The following TYW1B variants were observed in gnomAD, a reference collection of about 807,000 sequenced individuals.
TYW1B encodes the protein S-adenosyl-L-methionine-dependent tRNA 4-demethylwyosine synthase TYW1B.
A neutral mutation model predicts 86.9 loss-of-function variants in TYW1B; 73 were observed. The ratio of observed to expected loss-of-function variants is 0.84; its 90% CI spans 0.70 to 1.02. The LOEUF (loss-of-function observed/expected upper bound fraction) is 1.02. TYW1B is among the 50% of genes least tolerant of loss of function. The pLI is 0.00. For missense variants in TYW1B, 637 were observed against 827.4 expected, an observed-to-expected ratio of 0.77 and a Z score of 2.82; for synonymous variants, 248 against 292.8, an observed-to-expected ratio of 0.85 and a Z score of 1.56.
chr7:72,653,938 C>T (rs1490107372), intron 11 of TYW1B, among the ~76,000 whole-genome samples: 3 of 151,654 alleles, frequency 2.0e-5, no homozygotes, highest in Non-Finnish European at 4.4e-5. Context: ...AAATTAGCCA[C>T]ATGTGGTGGC....
In TYW1B at chr7:72,616,858, C is replaced by G. The variant is rs1554437036; in HGVS notation, c.1618-19G>C. 1 of 1,613,540 alleles carries G rather than the reference C, an allele frequency of 6.2e-7. No homozygotes were observed. The highest frequency in any genetic ancestry group is 2.2e-5 in the East Asian group (1 of 44,864). Reference sequence around the variant, plus strand: ...TAACGCCCTGTGGAAACAGTATAACCATCAGAGATGACTACAGACCTACCT... The same window carrying G: ...TAACGCCCTGTGGAAACAGTATAACGATCAGAGATGACTACAGACCTACCT... On this transcript the variant is annotated intron_variant, in intron 12 of 13. Coordinates refer to ENST00000620995, the MANE Select transcript of TYW1B (RefSeq NM_001145440.3).
intron 11 of TYW1B, among the ~76,000 whole-genome samples, chr7:72,672,288 G>C (rs1485110803): frequency 6.6e-6 from 1 of 151,752 alleles, no homozygotes; most frequent in African/African-American, 2.4e-5. Context: ...GCTCAGTCTC[G>C]GGTGTGTCTT....
intron 7 of TYW1B, among the ~76,000 whole-genome samples, chr7:72,763,304 T>C (rs1554467568): frequency 6.9e-6 from 1 of 143,938 alleles, no homozygotes; most frequent in Admixed American, 7.0e-5. Flanking sequence ...TTTTTTGAGA[T>C]GGAGTCTTGC....
intron 7 of TYW1B, among the ~76,000 whole-genome samples, chr7:72,750,666 T>C (rs1273855187): frequency 6.6e-6 from 1 of 152,174 alleles, no homozygotes; most frequent in Non-Finnish European, 1.5e-5. Context: ...GCACCACTCA[T>C]GAAATTTCAC....
intron 13 of TYW1B, among the ~76,000 whole-genome samples, chr7:72,591,369 A>G (rs1358661163): frequency 6.6e-5 from 10 of 152,280 alleles, no homozygotes; most frequent in African/African-American, 2.4e-4. Context: ...TAATGAACTA[A>G]AAAAGACACA....
At chr7:72,637,622 CT>C (rs1812701928) in intron 11 of TYW1B, among the ~76,000 whole-genome samples, 1 of 149,162 alleles carries the variant, frequency 6.7e-6, no homozygotes, top group African/African-American at 2.5e-5. Flanking sequence ...TTTTTATTTC[CT>C]TAATTTCTGC....
At chr7:72,728,969 T>C (rs782501783) in intron 8 of TYW1B, 38 bp from the exon 9 acceptor site, 12 of 1,578,306 alleles carry the variant, frequency 7.6e-6, no homozygotes, top group Middle Eastern at 3.3e-4. Context: ...GACCCTTCTG[T>C]AATAAGATCT....
At chr7:72,751,915 G>C (rs1042415369) in intron 7 of TYW1B, among the ~76,000 whole-genome samples, 1 of 152,240 alleles carries the variant, frequency 6.6e-6, no homozygotes, top group Non-Finnish European at 1.5e-5. Context: ...ATCTGAGGGG[G>C]AGGGAGGGGC....
In TYW1B at chr7:72,692,041, A is replaced by C. The variant is rs1361393879; in HGVS notation, c.1506+2646T>G. Among the ~76,000 whole-genome samples, 2 of 151,660 alleles carry C rather than the reference A, an allele frequency of 1.3e-5. 1 individual carries two copies. The highest frequency in any genetic ancestry group is 2.9e-5 in the Non-Finnish European group (2 of 67,954). On this transcript the variant is annotated intron_variant, in intron 11 of 13. Coordinates refer to ENST00000620995, the MANE Select transcript of TYW1B (RefSeq NM_001145440.3). ...GCCAACATGGTGAAACCCCATCTCT[A>C]CTAAAAATACAAAAACTAGCCGGGC...
rs192316175 is a variant in TYW1B, at chr7:72,599,303, T to C, written c.1785+17369A>G. ...AAAAAAAATCACATGATCTTATCAATAGTTGAAGAAAATCAATTTGACAAA... is the reference window on the plus strand; with the variant it reads ...AAAAAAAATCACATGATCTTATCAACAGTTGAAGAAAATCAATTTGACAAA... On this transcript the variant is annotated intron_variant, in intron 13 of 13. Coordinates refer to ENST00000620995, the MANE Select transcript of TYW1B (RefSeq NM_001145440.3). Among the ~76,000 whole-genome samples the C allele has an allele frequency of 4.2e-3, 641 of 152,322 alleles. 3 individuals carry two copies. The highest frequency in any genetic ancestry group is 0.015 in the African/African-American group (609 of 41,574).
intron 6 of TYW1B, among the ~76,000 whole-genome samples, chr7:72,786,269 T>C (rs1554472441): frequency 6.6e-6 from 1 of 152,136 alleles, no homozygotes; most frequent in South Asian, 2.1e-4. Flanking sequence ...AAACGAAAAC[T>C]GGTAGCTTAT....
intron 12 of TYW1B, 98 bp downstream of exon 12, chr7:72,628,789 C>T (rs1270406692): frequency 3.7e-6 from 3 of 819,288 alleles, no homozygotes; most frequent in Non-Finnish European, 5.8e-6. Flanking sequence ...ATTCCTGGGA[C>T]CTCTAGAGTT....
chr7:72,682,699 A>C (rs1167268511), intron 11 of TYW1B, among the ~76,000 whole-genome samples: 9 of 152,216 alleles, frequency 5.9e-5, no homozygotes, highest in Non-Finnish European at 1.5e-5. Context: ...CCATCAGAGA[A>C]GTGAGGTCAC....
intron 6 of TYW1B, among the ~76,000 whole-genome samples, chr7:72,780,783 C>G (rs1386262808): frequency 8.5e-5 from 13 of 152,124 alleles, no homozygotes; most frequent in Admixed American, 1.3e-4. Flanking sequence ...CCTCCATATG[C>G]AGTAGTAATT....
At chr7:72,716,258 A>C (rs1485414974) in intron 9 of TYW1B, among the ~76,000 whole-genome samples, 5 of 152,194 alleles carry the variant, frequency 3.3e-5, no homozygotes, top group African/African-American at 1.2e-4. Context: ...TCTTTGAAAC[A>C]TAACTTTCTT....
At position 72,826,877 on chromosome 7, in the gene TYW1B, A is replaced by C. The variant is rs1554481504; in HGVS notation, c.113T>G (p.Val38Gly). 2 of 1,612,994 alleles carry C rather than the reference A, an allele frequency of 1.2e-6. No individual in the cohort carries two copies. The highest frequency in any genetic ancestry group is 2.2e-5 in the South Asian group (2 of 90,770). Residue 38 changes from valine to glycine, a missense_variant, in exon 2 of 14, where the codon GTC (valine) becomes GGC (glycine). Val to Gly is a moderately radical substitution (Grantham distance 109). Coordinates refer to ENST00000620995, the MANE Select transcript of TYW1B (RefSeq NM_001145440.3). ...FAVSISLWICVQIVIEMQGFA... is the reference protein window; with the variant it reads ...FAVSISLWICGQIVIEMQGFA... Reference sequence around the variant, plus strand: ...TACCTGCATCTCGATGACAATCTGGACACAAATCCAAAGGCTAATGCTAAC... The same window carrying C: ...TACCTGCATCTCGATGACAATCTGGCCACAAATCCAAAGGCTAATGCTAAC...
chr7:72,772,217 T>C (rs1787880614), intron 7 of TYW1B, among the ~76,000 whole-genome samples: 2 of 152,070 alleles, frequency 1.3e-5, no homozygotes, highest in African/African-American at 2.4e-5. Context: ...ACAGATCTCA[T>C]AGGTAAAAAC....
chr7:72,743,997 G>A (rs1436868093), intron 8 of TYW1B, among the ~76,000 whole-genome samples: 2 of 144,242 alleles, frequency 1.4e-5, no homozygotes, highest in Non-Finnish European at 1.5e-5. Context: ...TGCATACAAT[G>A]GGCTGTAACC....
intron 8 of TYW1B, among the ~76,000 whole-genome samples, chr7:72,732,819 G>T (rs1554460179): frequency 2.0e-5 from 3 of 151,406 alleles, no homozygotes; most frequent in Non-Finnish European, 1.5e-5. Flanking sequence ...AAAACAGAAA[G>T]TTCATTTTTT....
Sources: allele counts gnomAD v4.1 joint callset (sites outside exome capture counted in the v4.1 genomes callset), GRCh38; gene constraint gnomAD v4.1.1; transcripts MANE v1.5; gene names NCBI Gene and HGNC (gene_info 2026-07-23, HGNC 2026-07-21).